Variants in BCAS3 observed in about 807,000 individuals in gnomAD.
The protein encoded by BCAS3 is BCAS3 microtubule associated cell migration factor.
Under a neutral mutation model 116.1 loss-of-function variants are expected in BCAS3, and 53 were observed. That is an observed-to-expected ratio of 0.46 (90% confidence interval 0.37 to 0.57). The LOEUF (loss-of-function observed/expected upper bound fraction) is 0.57, where lower values mean the gene tolerates loss of function less well. BCAS3 is among the 20% of genes least tolerant of loss of function. BCAS3 has a pLI of 0.00. For missense variants in BCAS3, 917 were observed against 1,165.4 expected, an observed-to-expected ratio of 0.79 and a Z score of 3.10; for synonymous variants, 391 against 408.2, an observed-to-expected ratio of 0.96 and a Z score of 0.51.
At position 61,073,601 on chromosome 17, in the gene BCAS3, T is replaced by C. The variant is rs1196540480; in HGVS notation, c.2030-1319T>C. Among the ~76,000 whole-genome samples, 1 of 152,234 alleles carries C rather than the reference T, an allele frequency of 6.6e-6. No individual in the cohort carries two copies. Among genetic ancestry groups the C allele is most frequent in the African/African-American group, 2.4e-5 (1 of 41,462 alleles). On this transcript the variant is annotated intron_variant, in intron 19 of 23. Coordinates refer to ENST00000407086, the MANE Select transcript of BCAS3 (RefSeq NM_017679.5). This position sits in a 1 kb window ranked among gnomAD's most constrained non-coding sequence, Gnocchi z 4.6. ...TATATTTACATCCTCTGATTTCATA[T>C]GTAGGAATCTAACTCAAGGAAATTT...
At chr17:61,089,593 G>A (rs1169874132) in intron 22 of BCAS3, among the ~76,000 whole-genome samples, 3 of 125,298 alleles carry the variant, frequency 2.4e-5, no homozygotes, top group South Asian at 5.2e-4. Flanking sequence ...GCAATGGCAC[G>A]ATCTCAGCTC....
intron 7 of BCAS3, among the ~76,000 whole-genome samples, chr17:60,823,129 T>C (rs2050100283): frequency 1.3e-5 from 2 of 152,220 alleles, no homozygotes. Flanking sequence ...ACCATATTTG[T>C]ATTAAAACAA....
chr17:61,316,860 C>T lies in BCAS3; in HGVS notation c.2426-51467C>T, dbSNP rs971180599. ...ATTAACAGTTGCAATTTATGTTTAG[C>T]GGTTTCCCCACTAAGGAATTCCTCG... is the stretch of plus-strand genomic sequence containing the variant. On this transcript the variant is annotated intron_variant, in intron 22 of 23. Coordinates refer to ENST00000407086, the MANE Select transcript of BCAS3 (RefSeq NM_017679.5). The surrounding 1 kb of genome is among the most constrained non-coding windows in gnomAD (Gnocchi z 5.8). 6.6e-6 allele frequency among the ~76,000 whole-genome samples: 1 copy of T among 152,126 alleles called. No homozygotes were observed. The highest frequency in any genetic ancestry group is 1.5e-5 in the Non-Finnish European group (1 of 68,024).
intron 6 of BCAS3, among the ~76,000 whole-genome samples, chr17:60,806,042 ATT>A: frequency 7.0e-6 from 1 of 142,988 alleles, no homozygotes; most frequent in African/African-American, 2.5e-5. Flanking sequence ...ATATTTTTGT[ATT>A]TTTTTTTTTT....
In BCAS3 at chr17:61,233,116, C is replaced by G. The variant is rs892888540; in HGVS notation, c.2426-135211C>G. On this transcript the variant is annotated intron_variant, in intron 22 of 23. Coordinates refer to ENST00000407086, the MANE Select transcript of BCAS3 (RefSeq NM_017679.5). The surrounding 1 kb of genome is among the most constrained non-coding windows in gnomAD (Gnocchi z 4.3). ...AGTAGGAGGGTGATAAACTTTGTTA[C>G]CACTTAAAAAGGGGCTAAAAATACT... is the stretch of plus-strand genomic sequence containing the variant. 6.6e-6 allele frequency among the ~76,000 whole-genome samples: 1 copy of G among 152,166 alleles called. No individual in the cohort carries two copies. The highest frequency in any genetic ancestry group is 2.4e-5 in the African/African-American group (1 of 41,438).
At chr17:61,384,980 A>G (rs2059775733) in intron 23 of BCAS3, among the ~76,000 whole-genome samples, 3 of 152,132 alleles carry the variant, frequency 2.0e-5, no homozygotes, top group Admixed American at 1.3e-4. Flanking sequence ...TGTGGTGGGA[A>G]GCAGGGCTGC....
chr17:60,912,200 CAATT>C (rs1209790201), intron 12 of BCAS3, among the ~76,000 whole-genome samples: 4 of 151,978 alleles, frequency 2.6e-5, no homozygotes, highest in African/African-American at 9.7e-5. Context: ...AATCTAGAAT[CAATT>C]CCTAGAATGA....
intron 13 of BCAS3, among the ~76,000 whole-genome samples, chr17:60,940,861 G>T (rs748117416): frequency 3.8e-4 from 58 of 152,142 alleles, no homozygotes; most frequent in Non-Finnish European, 7.5e-4. Flanking sequence ...AATTAGGTAG[G>T]TGTTATAAAT....
At chr17:61,269,824 G>A (rs2050089241) in intron 22 of BCAS3, among the ~76,000 whole-genome samples, 1 of 140,774 alleles carries the variant, frequency 7.1e-6, no homozygotes, top group Non-Finnish European at 1.5e-5. Context: ...TTTTAATTAA[G>A]ACAAGGTCTT....
intron 22 of BCAS3, among the ~76,000 whole-genome samples, chr17:61,296,991 C>T (rs1028281831): frequency 7.2e-5 from 11 of 152,116 alleles, no homozygotes; most frequent in Admixed American, 1.3e-4. Context: ...ACACGTGTTT[C>T]GGAAAACCCA....
intron 22 of BCAS3, among the ~76,000 whole-genome samples, chr17:61,345,030 G>A (rs981111252): frequency 2.0e-5 from 3 of 152,112 alleles, no homozygotes; most frequent in African/African-American, 7.2e-5. Context: ...TAAACCATCC[G>A]CCTGGGGCAG....
chr17:61,353,193 C>T (rs970013245), intron 22 of BCAS3, among the ~76,000 whole-genome samples: 3 of 152,292 alleles, frequency 2.0e-5, no homozygotes, highest in Middle Eastern at 3.4e-3. Context: ...CCTCCCTGGG[C>T]CTCCATTTCC....
chr17:60,997,700 A>G (rs1027379588), intron 15 of BCAS3, among the ~76,000 whole-genome samples: 2 of 152,072 alleles, frequency 1.3e-5, no homozygotes, highest in African/African-American at 4.8e-5. Flanking sequence ...CTTTCTCCCT[A>G]CTTCTTCAGG....
intron 13 of BCAS3, among the ~76,000 whole-genome samples, chr17:60,945,295 A>T (rs1027594245): frequency 6.6e-6 from 1 of 152,196 alleles, no homozygotes; most frequent in Non-Finnish European, 1.5e-5. Flanking sequence ...AGAAGGCACA[A>T]TATTAGGATA....
At chr17:60,921,412 G>C (rs2145146250) in intron 12 of BCAS3, among the ~76,000 whole-genome samples, 1 of 152,058 alleles carries the variant, frequency 6.6e-6, no homozygotes, top group South Asian at 2.1e-4. Context: ...AGGAGATCGA[G>C]ACCATCCCGG....
At chr17:60,748,180 A>G (rs1749593149) in intron 6 of BCAS3, among the ~76,000 whole-genome samples, 1 of 152,204 alleles carries the variant, frequency 6.6e-6, no homozygotes, top group South Asian at 2.1e-4. Context: ...CTAATCCTCT[A>G]AATTTGTGAG....
At chr17:60,878,883 C>A (rs2055862042) in intron 9 of BCAS3, among the ~76,000 whole-genome samples, 1 of 152,104 alleles carries the variant, frequency 6.6e-6, no homozygotes, top group African/African-American at 2.4e-5. Flanking sequence ...ATATTTAGAA[C>A]AAAATTTACC....
Position 61,161,109 on chromosome 17 carries a change from A to T in BCAS3, c.2425+76545A>T, listed in dbSNP as rs1315364558. On this transcript the variant is annotated intron_variant, in intron 22 of 23. Coordinates refer to ENST00000407086, the MANE Select transcript of BCAS3 (RefSeq NM_017679.5). The surrounding 1 kb of genome is among the most constrained non-coding windows in gnomAD (Gnocchi z 4.8). ...TAGCATGTCTGAAAAAAGCTAACAT[A>T]AAAGTCTCAATTAGGTTGCTGCCTA... Among the ~76,000 whole-genome samples the T allele has an allele frequency of 6.6e-6, 1 of 152,212 alleles. No individual in the cohort carries two copies. The highest frequency in any genetic ancestry group is 2.4e-5 in the African/African-American group (1 of 41,450).
chr17:61,288,288 G>A (rs1246226085), intron 22 of BCAS3, among the ~76,000 whole-genome samples: 1 of 152,180 alleles, frequency 6.6e-6, no homozygotes, highest in Non-Finnish European at 1.5e-5. Flanking sequence ...TCATCTGCTG[G>A]CCCTAAAGTA....
Sources: allele counts gnomAD v4.1 joint callset (sites outside exome capture counted in the v4.1 genomes callset), GRCh38; gene constraint gnomAD v4.1.1; non-coding constraint Gnocchi (gnomAD v3.1); transcripts MANE v1.5; gene names NCBI Gene and HGNC (gene_info 2026-07-23, HGNC 2026-07-21).